The following CENPP variants were observed in gnomAD, a reference collection of about 807,000 sequenced individuals.
The protein encoded by CENPP is centromere protein P.
Under a neutral mutation model 35.6 loss-of-function variants are expected in CENPP, and 24 were observed. The observed-to-expected ratio is 0.67, with a 90% confidence interval of 0.49 to 0.95. CENPP has a LOEUF of 0.95. Ranked by LOEUF, CENPP falls within the 40% of genes least tolerant of loss-of-function variation. The pLI is 0.00. For synonymous variants in CENPP, 120 were observed against 125.5 expected (o/e 0.96, Z 0.29); for missense variants, 332 against 345.3 (o/e 0.96, Z 0.31).
At chr9:92,542,764 G>A (rs997968325) in intron 5 of CENPP, among the ~76,000 whole-genome samples, 27 of 152,048 alleles carry the variant, frequency 1.8e-4, no homozygotes, top group African/African-American at 3.1e-4. Flanking sequence ...CACCGGCCTC[G>A]GCCTCCCAAA....
chr9:92,380,811 A>G (rs1227214096), intron 5 of CENPP, among the ~76,000 whole-genome samples: 1 of 152,168 alleles, frequency 6.6e-6, no homozygotes, highest in Non-Finnish European at 1.5e-5. Flanking sequence ...TAGATGAATC[A>G]CCTAATGTTG....
chr9:92,332,169 G>A lies in CENPP; in HGVS notation c.108-1G>A, dbSNP rs763415561. On this transcript the variant is annotated splice_acceptor_variant, in intron 1 of 7. Coordinates refer to ENST00000375587, the MANE Select transcript of CENPP (RefSeq NM_001012267.3). LOFTEE classifies it high-confidence loss of function. ...GATTATTTTTGATATTTGCCTTTTA[G>A]AAAATCTTTTCAAGCCATACACCAA... 1 of 1,574,332 alleles carries A rather than the reference G, an allele frequency of 6.4e-7. No individual in the cohort carries two copies. Among genetic ancestry groups the A allele is most frequent in the Non-Finnish European group, 8.6e-7 (1 of 1,163,760 alleles).
intron 5 of CENPP, among the ~76,000 whole-genome samples, chr9:92,604,124 G>T (rs1458799948): frequency 6.6e-6 from 1 of 152,214 alleles, no homozygotes; most frequent in African/African-American, 2.4e-5. Context: ...GTTCAATGTG[G>T]TAAGAAGCTG....
At chr9:92,607,209 T>A (rs201756491) in intron 5 of CENPP, among the ~76,000 whole-genome samples, 9 of 152,064 alleles carry the variant, frequency 5.9e-5, no homozygotes, top group South Asian at 2.1e-4. Context: ...TTGTTTTTTT[T>A]ATCATGTGAA....
chr9:92,555,808 C>A (rs1310063207), intron 5 of CENPP, among the ~76,000 whole-genome samples: 1 of 152,118 alleles, frequency 6.6e-6, no homozygotes, highest in African/African-American at 2.4e-5. Context: ...TGCTAATGGT[C>A]TATCAATTTT....
intron 5 of CENPP, among the ~76,000 whole-genome samples, chr9:92,540,334 AGG>A (rs1491567948): frequency 1.3e-5 from 2 of 151,724 alleles, no homozygotes; most frequent in African/African-American, 4.8e-5. Context: ...GCTACTTGGG[AGG>A]CTGAGGCAGG....
At chr9:92,557,285 A>G (rs1421732512) in intron 5 of CENPP, among the ~76,000 whole-genome samples, 1 of 152,178 alleles carries the variant, frequency 6.6e-6, no homozygotes, top group Non-Finnish European at 1.5e-5. Flanking sequence ...GGATAACCTG[A>G]TGACAGTGTG....
chr9:92,437,277 T>TA (rs1844268890), intron 5 of CENPP, among the ~76,000 whole-genome samples: 1 of 152,230 alleles, frequency 6.6e-6, no homozygotes, highest in South Asian at 2.1e-4. Context: ...TGCCTTTTTT[T>TA]AATTGGGTTT....
At chr9:92,403,498 C>A in intron 5 of CENPP, 1 of 1,489,162 alleles carries the variant, frequency 6.7e-7, no homozygotes, top group South Asian at 1.5e-5. Flanking sequence ...AATAAAAATT[C>A]AGACCATCGA....
chr9:92,567,385 T>TATATATATATATATATATATATAG (rs1588281955), intron 5 of CENPP, among the ~76,000 whole-genome samples: 2 of 95,522 alleles, frequency 2.1e-5, no homozygotes, highest in East Asian at 4.3e-4. Context: ...TATATATATA[T>TATATATATATATATATATATATAG]ATATATATAT....
At chr9:92,394,673 C>T (rs1457945907) in intron 5 of CENPP, among the ~76,000 whole-genome samples, 4 of 150,306 alleles carry the variant, frequency 2.7e-5, no homozygotes, top group African/African-American at 7.4e-5. Context: ...GGTGTGATCT[C>T]GGCTCACTGC....
At chr9:92,379,655 C>T in intron 4 of CENPP, 108 bp from the exon 5 acceptor site, 3 of 728,538 alleles carry the variant, frequency 4.1e-6, no homozygotes, top group Admixed American at 2.5e-5. Flanking sequence ...AGAACTACTT[C>T]AAGTTTTTGG....
chr9:92,361,331 G>T (rs912429562), intron 4 of CENPP, among the ~76,000 whole-genome samples: 2 of 151,600 alleles, frequency 1.3e-5, no homozygotes, highest in Non-Finnish European at 2.9e-5. Flanking sequence ...AGCAGAGACG[G>T]GGTTTCGCCG....
rs752235177 is a variant in CENPP, at chr9:92,532,028, TATTTTA to T, written c.565-79285_565-79280del. Among the ~76,000 whole-genome samples the T allele has an allele frequency of 1.0e-3, 136 of 129,672 alleles. 10 individuals are homozygous for T. The highest frequency in any genetic ancestry group is 3.9e-3 in the Middle Eastern group (1 of 254). The allele number at this position is 129,672 out of a possible 152,430, so 85.1% of individuals were successfully genotyped here. A position where few individuals can be genotyped will look rare whatever the true frequency, so the allele number is the denominator to read the frequency against. ...TTTTTATTTAATGTTTTTTTTTTTT[TATTTTA>T]TTTTTTTTTTGAGATGAGGTCTCAC... On this transcript the variant is annotated intron_variant, in intron 5 of 7. Coordinates refer to ENST00000375587, the MANE Select transcript of CENPP (RefSeq NM_001012267.3).
chr9:92,394,453 A>G (rs1242653968), intron 5 of CENPP, among the ~76,000 whole-genome samples: 2 of 148,242 alleles, frequency 1.3e-5, no homozygotes, highest in Non-Finnish European at 3.0e-5. Flanking sequence ...AGGTTTCACC[A>G]TGTTGGCCAG....
chr9:92,509,981 A>G (rs1288358905), intron 5 of CENPP: 1 of 1,610,382 alleles, frequency 6.2e-7, no homozygotes, highest in Non-Finnish European at 8.5e-7. Context: ...ATTGTGAAGG[A>G]ATCTGTATCA....
chr9:92,517,049 A>T (rs1847770929), intron 5 of CENPP: 1 of 151,732 alleles, frequency 6.6e-6, no homozygotes, highest in African/African-American at 2.4e-5. Flanking sequence ...AGGGTCCTTC[A>T]TTCAGTCAGG....
intron 5 of CENPP, among the ~76,000 whole-genome samples, chr9:92,578,077 A>G (rs1356524842): frequency 6.6e-6 from 1 of 151,442 alleles, no homozygotes; most frequent in Non-Finnish European, 1.5e-5. Context: ...GCAATAGTTT[A>G]CTGAGAATGA....
At chr9:92,529,725 T>G (rs1848632522) in intron 5 of CENPP, among the ~76,000 whole-genome samples, 1 of 152,200 alleles carries the variant, frequency 6.6e-6, no homozygotes, top group Non-Finnish European at 1.5e-5. Flanking sequence ...ATGGCATATG[T>G]ATGATTTCAA....
Sources: allele counts gnomAD v4.1 joint callset (sites outside exome capture counted in the v4.1 genomes callset), GRCh38; gene constraint gnomAD v4.1.1; transcripts MANE v1.5; gene names NCBI Gene and HGNC (gene_info 2026-07-23, HGNC 2026-07-21).